Variants in SELENOI observed in about 807,000 individuals in gnomAD.
SELENOI encodes ethanolaminephosphotransferase 1.
A neutral mutation model predicts 50.7 loss-of-function variants in SELENOI; 24 were observed. That is an observed-to-expected ratio of 0.47 (90% CI 0.34 to 0.67). The LOEUF (loss-of-function observed/expected upper bound fraction) is 0.67. Among genes scored for constraint, SELENOI ranks in the 30% least tolerant of loss-of-function variants. SELENOI has a pLI of 0.01. For synonymous variants in SELENOI, 155 were observed against 170.2 expected, an observed-to-expected ratio of 0.91 and a Z score of 0.70; for missense variants, 352 against 461.4, an observed-to-expected ratio of 0.76 and a Z score of 2.17.
At chr2:26,369,079 T>C (rs1677351853) in intron 4 of SELENOI, among the ~76,000 whole-genome samples, 1 of 152,238 alleles carries the variant, frequency 6.6e-6, no homozygotes, top group South Asian at 2.1e-4. Flanking sequence ...ATGCACTAGT[T>C]AACAAAACTG....
chr2:26,371,141 GGCTGGCGGGGGGCTGA>G (rs1450824948), intron 4 of SELENOI, among the ~76,000 whole-genome samples: 4 of 149,638 alleles, frequency 2.7e-5, no homozygotes, highest in Non-Finnish European at 4.5e-5. Context: ...GGGGCGGCTG[GGCTGGCGGGGGGCTGA>G]CCCCTCCCAC....
intron 4 of SELENOI, among the ~76,000 whole-genome samples, chr2:26,371,652 A>G (rs1356791649): frequency 2.0e-5 from 3 of 151,966 alleles, no homozygotes; most frequent in African/African-American, 4.8e-5. Context: ...CGCGGTTAGG[A>G]GCTGGAGACC....
intron 1 of SELENOI, among the ~76,000 whole-genome samples, chr2:26,347,102 C>T (rs1676801251): frequency 1.3e-5 from 2 of 152,154 alleles, no homozygotes; most frequent in African/African-American, 4.8e-5. Context: ...CAATGAATGA[C>T]TCTAACCATC....
chr2:26,368,281 C>T (rs1677332995), intron 4 of SELENOI, among the ~76,000 whole-genome samples: 1 of 152,132 alleles, frequency 6.6e-6, no homozygotes, highest in African/African-American at 2.4e-5. Context: ...GAGGTTTTTG[C>T]ACATTTGTTA....
intron 4 of SELENOI, among the ~76,000 whole-genome samples, chr2:26,370,526 C>G (rs372695904): frequency 1.2e-5 from 1 of 83,940 alleles, no homozygotes; most frequent in Non-Finnish European, 3.0e-5. Context: ...GGCGGCTGGC[C>G]GGGCAGAGGG....
At chr2:26,349,734 A>G (rs181708949) in intron 1 of SELENOI, among the ~76,000 whole-genome samples, 10 of 128,690 alleles carry the variant, frequency 7.8e-5, no homozygotes, top group Admixed American at 7.3e-4. Flanking sequence ...TTTAATTGAT[A>G]GTGTAGCAGC....
chr2:26,382,923 C>T (rs1677738444), intron 6 of SELENOI, among the ~76,000 whole-genome samples: 1 of 152,132 alleles, frequency 6.6e-6, no homozygotes, highest in African/African-American at 2.4e-5. Context: ...GTACCCCATA[C>T]TGTTCTAGGT....
chr2:26,359,425 C>T (rs1677129356), intron 1 of SELENOI, among the ~76,000 whole-genome samples: 1 of 152,088 alleles, frequency 6.6e-6, no homozygotes, highest in Non-Finnish European at 1.5e-5. Context: ...GGCAGATCAC[C>T]TGAGGTCAGG....
chr2:26,384,555 T>C (rs1441026012), intron 7 of SELENOI, among the ~76,000 whole-genome samples: 2 of 152,216 alleles, frequency 1.3e-5, no homozygotes, highest in Non-Finnish European at 2.9e-5. Flanking sequence ...TCTATCACTT[T>C]GTGTCAAAGC....
intron 1 of SELENOI, among the ~76,000 whole-genome samples, chr2:26,356,614 C>T (rs1677069432): frequency 6.6e-6 from 1 of 152,108 alleles, no homozygotes; most frequent in Non-Finnish European, 1.5e-5. Context: ...TTGTACTGCT[C>T]CTAGACTAAA....
At chr2:26,347,322 T>C (rs560752292) in intron 1 of SELENOI, among the ~76,000 whole-genome samples, 1 of 152,284 alleles carries the variant, frequency 6.6e-6, no homozygotes, top group East Asian at 1.9e-4. Context: ...AGAGTTTTCT[T>C]GTGGACCATC....
intron 1 of SELENOI, among the ~76,000 whole-genome samples, chr2:26,349,070 C>T (rs578051788): frequency 8.2e-4 from 106 of 129,052 alleles, no homozygotes; most frequent in Admixed American, 1.5e-3. Context: ...GGCTGGAGTG[C>T]AATGGCGCGA....
In SELENOI at chr2:26,387,786, GA is replaced by G. The variant is rs1677878708; in HGVS notation, c.1096-1218del. Among the ~76,000 whole-genome samples, 5 of 152,156 alleles carry G rather than the reference GA, an allele frequency of 3.3e-5. No homozygotes were observed. In the South Asian group the frequency reaches 8.3e-4, roughly 25 times the overall value. On this transcript the variant is annotated intron_variant, in intron 9 of 9. Coordinates refer to ENST00000260585, the MANE Select transcript of SELENOI (RefSeq NM_033505.4). ...TGTTTCATTTGTTTTATTTTCCGAG[GA>G]TAATTTCATAGGAATGGGGTTGTGA...
In SELENOI at chr2:26,386,329, C is replaced by T. The variant is rs200611429; in HGVS notation, c.913-25C>T. 3.8e-6 allele frequency: 6 copies of T among 1,585,008 alleles called. No individual in the cohort carries two copies. In the African/African-American group the frequency reaches 4.1e-5, roughly 11 times the overall value. ...TAATGAAATTTTTCTTTTTTTCTCT[C>T]TTATTTTTTTAAATTGACGTCCAGT... On this transcript the variant is annotated intron_variant, in intron 8 of 9. Transcript: ENST00000260585.
At chr2:26,363,555 T>A (rs1465747729) in intron 1 of SELENOI, among the ~76,000 whole-genome samples, 1 of 152,164 alleles carries the variant, frequency 6.6e-6, no homozygotes, top group Non-Finnish European at 1.5e-5. Context: ...GATGAGTCAG[T>A]GATTATCTTG....
intron 1 of SELENOI, among the ~76,000 whole-genome samples, chr2:26,350,229 G>A (rs1262790659): frequency 6.6e-6 from 1 of 152,014 alleles, no homozygotes; most frequent in Non-Finnish European, 1.5e-5. Flanking sequence ...CATGATAATT[G>A]TGAATTTATT....
In SELENOI at chr2:26,367,169, G is replaced by C. The variant is rs1410364782; in HGVS notation, c.259G>C (p.Asp87His). ...AGCACCAGGTCACAAGCACGTGCCTGACTGGGTTTGGATTGTAGTGGGCAT... is the reference window on the plus strand; with the variant it reads ...AGCACCAGGTCACAAGCACGTGCCTCACTGGGTTTGGATTGTAGTGGGCAT... ...ASAPGHKHVP[D>H]WVWIVVGILN... Residue 87 changes from aspartate (D) to histidine (H), a missense_variant, in exon 4 of 10, where the codon GAC becomes CAC. Coordinates refer to ENST00000260585, the MANE Select transcript of SELENOI (RefSeq NM_033505.4). The C allele has an allele frequency of 1.2e-6, 2 of 1,610,920 alleles. No homozygotes were observed. The highest frequency in any genetic ancestry group is 1.7e-5 in the Admixed American group (1 of 59,592).
chr2:26,366,181 CT>C (rs1677283555), intron 3 of SELENOI, among the ~76,000 whole-genome samples: 1 of 152,078 alleles, frequency 6.6e-6, no homozygotes, highest in African/African-American at 2.4e-5. Context: ...GCCATAGCTT[CT>C]GTACATGTAA....
chr2:26,358,953 G>T (rs73920263), intron 1 of SELENOI, among the ~76,000 whole-genome samples: 2,231 of 152,256 alleles, frequency 0.015, 63 homozygotes, highest in African/African-American at 0.051. Context: ...CACTTGAAAT[G>T]CTCCTTTTGC....
Sources: allele counts gnomAD v4.1 joint callset (sites outside exome capture counted in the v4.1 genomes callset), GRCh38; gene constraint gnomAD v4.1.1; transcripts MANE v1.5; gene names NCBI Gene and HGNC (gene_info 2026-07-23, HGNC 2026-07-21).